PTPRU: variants seen among roughly 807,000 people sequenced by gnomAD.
The protein encoded by PTPRU is protein tyrosine phosphatase receptor type U, also known as receptor-type tyrosine-protein phosphatase U.
In PTPRU, 69 loss-of-function variants were observed where a neutral mutation model predicts 166.3. The ratio of observed to expected loss-of-function variants is 0.41; its 90% CI spans 0.34 to 0.51. PTPRU has a LOEUF of 0.51. Among genes scored for constraint, PTPRU ranks in the 20% least tolerant of loss-of-function variants. The probability of loss-of-function intolerance (pLI) is 0.09; values close to 1 mark genes in which losing one functional copy is unlikely to be tolerated. For synonymous variants in PTPRU, 793 were observed against 814.0 expected (o/e 0.97, Z 0.44); for missense variants, 1,657 against 2,013.7 (o/e 0.82, Z 3.39).
chr1:29,307,173 C>T (rs918961123), intron 18 of PTPRU: 8 of 1,608,616 alleles, frequency 5.0e-6, no homozygotes, highest in Non-Finnish European at 6.8e-6. Flanking sequence ...CCTTCTCCTC[C>T]TCCTCCTCTT....
At chr1:29,302,490 T>C (rs890009083) in intron 15 of PTPRU, among the ~76,000 whole-genome samples, 1 of 152,194 alleles carries the variant, frequency 6.6e-6, no homozygotes, top group African/African-American at 2.4e-5. Flanking sequence ...CCAGGACAGC[T>C]TCCAGTCCTG....
At position 29,323,361 on chromosome 1, in the gene PTPRU, T is replaced by C; in HGVS notation, c.3829-10T>C. ...CTACTCAGCTCTCCCCTCTCCGTGC[T>C]TATGCCCAGCCCTGCCTGCAGTACT... is the stretch of plus-strand genomic sequence containing the variant. On this transcript the variant is annotated splice_polypyrimidine_tract_variant and intron_variant, in intron 26 of 29. Transcript: ENST00000373779. 1 of 1,604,482 alleles carries C rather than the reference T, an allele frequency of 6.2e-7. No homozygotes were observed. The highest frequency in any genetic ancestry group is 8.5e-7 in the Non-Finnish European group (1 of 1,175,800).
At chr1:29,312,519 G>A (rs770764855) in intron 21 of PTPRU, 33 bp from the exon 22 acceptor site, 4 of 1,551,774 alleles carry the variant, frequency 2.6e-6, no homozygotes, top group Non-Finnish European at 3.5e-6. Flanking sequence ...ATGCTGCCAG[G>A]GACTCTGATT....
intron 7 of PTPRU, among the ~76,000 whole-genome samples, chr1:29,274,033 A>AT (rs1330724403): frequency 6.6e-6 from 1 of 151,924 alleles, no homozygotes; most frequent in African/African-American, 2.4e-5. Context: ...GAGATAAAGC[A>AT]TTTTTTGTTT....
intron 14 of PTPRU, among the ~76,000 whole-genome samples, chr1:29,287,883 G>A (rs1686433131): frequency 6.8e-6 from 1 of 147,718 alleles, no homozygotes; most frequent in Non-Finnish European, 1.5e-5. Context: ...ATGCAGTCTT[G>A]GCTCACTGCA....
chr1:29,243,533 G>A (rs1358332384), intron 1 of PTPRU, among the ~76,000 whole-genome samples: 4 of 152,246 alleles, frequency 2.6e-5, no homozygotes, highest in South Asian at 2.1e-4. Flanking sequence ...ACCTCGTGGT[G>A]GGGGTGGGGG....
chr1:29,286,250 C>T (rs1341391604), intron 14 of PTPRU, among the ~76,000 whole-genome samples: 1 of 152,154 alleles, frequency 6.6e-6, no homozygotes, highest in Non-Finnish European at 1.5e-5. Flanking sequence ...TTAAGAGAGA[C>T]TATTTTAAAG....
In PTPRU at chr1:29,315,641, T is replaced by A; in HGVS notation, c.3363+134T>A. The stretch of plus-strand genomic sequence containing the variant: ...GCCTTCCCTCAGATCATCCCTGACC[T>A]TGGGCCGCCAACTGCATAGGGTCAT... On this transcript the variant is annotated intron_variant, in intron 23 of 29. Coordinates refer to ENST00000373779, the MANE Select transcript of PTPRU (RefSeq NM_133178.4). This position sits in a 1 kb window ranked among gnomAD's most constrained non-coding sequence, Gnocchi z 4.5. The A allele has an allele frequency of 7.5e-7, 1 of 1,326,888 alleles. No individual in the cohort carries two copies. The highest frequency in any genetic ancestry group is 1.0e-6 in the Non-Finnish European group (1 of 952,848). 82.2% of individuals were successfully genotyped at this position (1,326,888 alleles called of 1,614,324 possible).
chr1:29,300,022 C>T (rs756302443), intron 15 of PTPRU, among the ~76,000 whole-genome samples: 4 of 152,178 alleles, frequency 2.6e-5, no homozygotes, highest in Non-Finnish European at 2.9e-5. Context: ...TCAACAGTTG[C>T]CCTTGCAGGT....
At chr1:29,245,302 G>A (rs551237508) in intron 1 of PTPRU, among the ~76,000 whole-genome samples, 26 of 152,296 alleles carry the variant, frequency 1.7e-4, no homozygotes, top group African/African-American at 6.0e-4. Flanking sequence ...AGTCACTGGG[G>A]TGGAAGATGT....
chr1:29,275,610 G>A lies in PTPRU; in HGVS notation c.1307G>A (p.Arg436Gln), dbSNP rs757320195. 2.5e-6 allele frequency: 4 copies of A among 1,614,174 alleles called. No homozygotes were observed. Among genetic ancestry groups the A allele is most frequent in the Admixed American group, 1.7e-5 (1 of 60,020 alleles). Residue 436 changes from arginine to glutamine, a missense_variant, in exon 8 of 30, where the codon CGA (arginine) becomes CAA (glutamine). Arg to Gln is a conservative substitution (Grantham distance 43). This residue lies in a region of PTPRU where 1,190 missense variants were observed against 1,477.4 expected (regional missense o/e 0.81). Transcript: ENST00000373779. ...TLGSSHNQTI[R>Q]ECVKTEQGVS... ...GGCAGCAGCCACAACCAGACCATCC[G>A]AGAGTGTGTGAAGACAGAGCAAGGT...
intron 26 of PTPRU, among the ~76,000 whole-genome samples, chr1:29,321,092 C>T (rs955324389): frequency 2.0e-5 from 3 of 152,092 alleles, no homozygotes; most frequent in Admixed American, 1.3e-4. Flanking sequence ...GGCGCGATCA[C>T]AGCTCACTAA....
In PTPRU at chr1:29,238,251, G is replaced by A. The variant is rs1458625614; in HGVS notation, c.73+1534G>A. Among the ~76,000 whole-genome samples, 4 of 152,074 alleles carry A rather than the reference G, an allele frequency of 2.6e-5. No homozygotes were observed. Among genetic ancestry groups the A allele is most frequent in the African/African-American group, 9.7e-5 (4 of 41,430 alleles). On this transcript the variant is annotated intron_variant, in intron 1 of 29. Coordinates refer to ENST00000373779, the MANE Select transcript of PTPRU (RefSeq NM_133178.4). This position sits in a 1 kb window ranked among gnomAD's most constrained non-coding sequence, Gnocchi z 6.1. Reference sequence around the variant, plus strand: ...TCCGTGTGCTCGTCGGAGTGTGGACGGTGTGTCGGATGTGTGTGCGTGCGC... The same window carrying A: ...TCCGTGTGCTCGTCGGAGTGTGGACAGTGTGTCGGATGTGTGTGCGTGCGC...
In PTPRU at chr1:29,317,190, G is replaced by A. The variant is rs112744125; in HGVS notation, c.3514-558G>A. Among the ~76,000 whole-genome samples the A allele has an allele frequency of 2.5e-3, 381 of 152,250 alleles. 4 individuals are homozygous for A. The highest frequency in any genetic ancestry group is 9.0e-3 in the African/African-American group (372 of 41,550). Reference sequence around the variant, plus strand: ...GCGTGAGGTGTGAAGGCATGCGGGCGGAGGAGATGCCCCGGAGATCCAGGT... The same window carrying A: ...GCGTGAGGTGTGAAGGCATGCGGGCAGAGGAGATGCCCCGGAGATCCAGGT... On this transcript the variant is annotated intron_variant, in intron 24 of 29. Coordinates refer to ENST00000373779, the MANE Select transcript of PTPRU (RefSeq NM_133178.4). The surrounding 1 kb of genome is among the most constrained non-coding windows in gnomAD (Gnocchi z 5.6).
In PTPRU at chr1:29,310,798, C is replaced by T. The variant is rs1467626720; in HGVS notation, c.2857+18C>T. On this transcript the variant is annotated intron_variant, in intron 19 of 29. Transcript: ENST00000373779. ...CACTCAAGGTACCTGGCACTTCTGCCCACATGCGCCTTCCCATGTGCCTCC... is the reference window on the plus strand; with the variant it reads ...CACTCAAGGTACCTGGCACTTCTGCTCACATGCGCCTTCCCATGTGCCTCC... The T allele has an allele frequency of 1.2e-6, 2 of 1,612,226 alleles. No individual in the cohort carries two copies. Among genetic ancestry groups the T allele is most frequent in the South Asian group, 2.2e-5 (2 of 91,054 alleles).
At chr1:29,307,269 T>C in intron 18 of PTPRU, 1 of 1,317,136 alleles carries the variant, frequency 7.6e-7, no homozygotes, top group South Asian at 1.3e-5. Context: ...TCCTTTCTAC[T>C]TATGTGCCCA....
Position 29,292,027 on chromosome 1 carries a change from G to T in PTPRU, c.2476+1G>T. The T allele has an allele frequency of 6.2e-7, 1 of 1,613,954 alleles. No homozygotes were observed. The highest frequency in any genetic ancestry group is 8.5e-7 in the Non-Finnish European group (1 of 1,179,922). ...GACACCCATGGCTACAGCACCCGGG[G>T]TGAGTGCCCGGCCCTCCTACCCCTT... On this transcript the variant is annotated splice_donor_variant, in intron 15 of 29. Transcript: ENST00000373779. LOFTEE classifies it high-confidence loss of function.
chr1:29,266,020 T>G (rs1574633398), intron 7 of PTPRU, among the ~76,000 whole-genome samples: 1 of 140,738 alleles, frequency 7.1e-6, no homozygotes, highest in African/African-American at 2.6e-5. Flanking sequence ...GTTTTTTTTT[T>G]TTTTTTTTTT....
chr1:29,299,841 C>T (rs548643814), intron 15 of PTPRU, among the ~76,000 whole-genome samples: 2 of 152,328 alleles, frequency 1.3e-5, no homozygotes, highest in African/African-American at 2.4e-5. Flanking sequence ...AACTGTTGCA[C>T]TTGCCTGGTG....
Sources: gnomAD v4.1 joint callset for allele counts (sites outside exome capture counted in the v4.1 genomes callset) on GRCh38, gnomAD v4.1.1 for gene constraint, gnomAD v4.1.1 regional missense constraint, Gnocchi (gnomAD v3.1) non-coding constraint, MANE v1.5 for transcripts, NCBI Gene and HGNC (gene_info 2026-07-23, HGNC 2026-07-21) for gene names.